Variants in FGF17 observed in about 807,000 individuals in gnomAD.
The protein encoded by FGF17 is fibroblast growth factor 17.
A neutral mutation model predicts 23.5 loss-of-function variants in FGF17; 5 were observed. The ratio of observed to expected loss-of-function variants is 0.21; its 90% CI spans 0.11 to 0.45. FGF17 has a LOEUF of 0.45. Ranked by LOEUF, FGF17 falls within the 20% of genes least tolerant of loss-of-function variation. The pLI, the probability that FGF17 is intolerant of heterozygous loss-of-function variation, is 0.99. For missense variants in FGF17, 221 were observed against 306.9 expected, an observed-to-expected ratio of 0.72 and a Z score of 2.09; for synonymous variants, 136 against 123.0, an observed-to-expected ratio of 1.11 and a Z score of -0.70.
chr8:22,044,887 G>A, intron 2 of FGF17: 1 of 985,474 alleles, frequency 1.0e-6, no homozygotes, highest in Non-Finnish European at 1.2e-6. Context: ...TGCTAATCTG[G>A]GTCTAGCTCT....
chr8:22,046,356 ACCT>A, intron 3 of FGF17, 65 bp downstream of exon 3: 1 of 1,561,806 alleles, frequency 6.4e-7, no homozygotes, highest in Non-Finnish European at 8.7e-7. Context: ...ACCCTGCCTC[ACCT>A]CCTGGTCCAT....
chr8:22,042,967 A>G lies in FGF17; in HGVS notation c.35+4A>G. On this transcript the variant is annotated splice_donor_region_variant and intron_variant, in intron 1 of 4. Coordinates refer to ENST00000359441, the MANE Select transcript of FGF17 (RefSeq NM_003867.4). ...GCCTGCTGCCCAACCTCACTCTGTA[A>G]GTGTGCTACCTCTCCCACTGGAGTT... The G allele has an allele frequency of 6.2e-7, 1 of 1,613,138 alleles. No homozygotes were observed. The highest frequency in any genetic ancestry group is 8.5e-7 in the Non-Finnish European group (1 of 1,179,648).
intron 2 of FGF17, chr8:22,044,676 G>A: frequency 1.0e-6 from 1 of 985,734 alleles, no homozygotes; most frequent in Non-Finnish European, 1.2e-6. Context: ...AATGCTCCAG[G>A]GTGGGGCGAG....
chr8:22,046,758 T>C (rs1432200210), intron 4 of FGF17, 125 bp downstream of exon 4: 1 of 675,134 alleles, frequency 1.5e-6, no homozygotes, highest in East Asian at 2.8e-5. Flanking sequence ...CCCATCCTAC[T>C]CTCAGCCCAC....
chr8:22,043,501 G>A (rs1305874599), intron 2 of FGF17, among the ~76,000 whole-genome samples: 1 of 152,210 alleles, frequency 6.6e-6, no homozygotes, highest in African/African-American at 2.4e-5. Flanking sequence ...TGGAGGTGAT[G>A]GCTCAGGTGA....
At chr8:22,045,938 G>A (rs756265309) in intron 2 of FGF17, 176 bp from the exon 3 acceptor site, 16 of 1,518,204 alleles carry the variant, frequency 1.1e-5, no homozygotes, top group Non-Finnish European at 1.4e-5. Flanking sequence ...AAGCAAAGAG[G>A]TTATGACCGG....
At chr8:22,045,818 A>C in intron 2 of FGF17, 3 of 1,329,998 alleles carry the variant, frequency 2.3e-6, no homozygotes, top group Non-Finnish European at 2.9e-6. Context: ...GACGGGATAG[A>C]ACCCTGAGGG....
At chr8:22,046,459 G>A (rs1455646849) in intron 3 of FGF17, 68 bp from the exon 4 acceptor site, 3 of 1,452,338 alleles carry the variant, frequency 2.1e-6, no homozygotes, top group Non-Finnish European at 2.9e-6. Flanking sequence ...TGGCTGGGTG[G>A]TCCCCTGCTG....
intron 2 of FGF17, chr8:22,045,545 G>A (rs759860333): frequency 2.0e-6 from 2 of 994,296 alleles, no homozygotes; most frequent in Non-Finnish European, 2.4e-6. Flanking sequence ...AAATGCTCAT[G>A]GGACCCTGCA....
chr8:22,042,156 A>C (rs1322112414), upstream of FGF17, among the ~76,000 whole-genome samples: 2 of 152,224 alleles, frequency 1.3e-5, no homozygotes. Context: ...GCTCTTCTCC[A>C]AGTGTCTGTC....
At position 22,043,600 on chromosome 8, in the gene FGF17, A is replaced by G. The variant is rs75166513; in HGVS notation, c.72+419A>G. 1.9e-3 allele frequency among the ~76,000 whole-genome samples: 293 copies of G among 152,212 alleles called. 2 individuals carry two copies. Among genetic ancestry groups the G allele is most frequent in the African/African-American group, 6.8e-3 (282 of 41,542 alleles). ...CGCCACCCCACTCCCATCAATATGG[A>G]TGCCTGGGGTGGGGGTCTCGTGAGC... On this transcript the variant is annotated intron_variant, in intron 2 of 4. Coordinates refer to ENST00000359441, the MANE Select transcript of FGF17 (RefSeq NM_003867.4).
intron 2 of FGF17, chr8:22,045,750 C>A: frequency 8.5e-7 from 1 of 1,181,768 alleles, no homozygotes; most frequent in Non-Finnish European, 1.1e-6. Context: ...GAGGTAGGGA[C>A]AGGGGTTCTG....
chr8:22,040,736 C>T (rs1257925589), upstream of FGF17, among the ~76,000 whole-genome samples: 2 of 152,200 alleles, frequency 1.3e-5, no homozygotes, highest in East Asian at 1.9e-4. Context: ...ACCCACCTTT[C>T]GCCCCCCAGC....
At chr8:22,042,496 C>G (rs1042774465), upstream of FGF17, 6 of 247,720 alleles carry the variant, frequency 2.4e-5, no homozygotes, top group Non-Finnish European at 4.7e-5. Context: ...AGGGCTCCCC[C>G]TCCCTGACCT....
chr8:22,042,889 T>C lies in FGF17; in HGVS notation c.-40T>C. On this transcript the variant is annotated 5_prime_UTR_variant, in exon 1 of 5. Transcript: ENST00000359441. The stretch of plus-strand genomic sequence containing the variant: ...GACTTCCCACATCTGCTCCTGAGCT[T>C]GGGGGCAGGGGGGCAACCGCCTGAG... 2 of 1,611,792 alleles carry C rather than the reference T, an allele frequency of 1.2e-6. No individual in the cohort carries two copies. The highest frequency in any genetic ancestry group is 1.1e-5 in the South Asian group (1 of 90,790).
chr8:22,046,581 C>G lies in FGF17; in HGVS notation c.305C>G (p.Ala102Gly). 6.2e-7 allele frequency: 1 copy of G among 1,613,934 alleles called. No individual in the cohort carries two copies. Among genetic ancestry groups the G allele is most frequent in the Non-Finnish European group, 8.5e-7 (1 of 1,179,960 alleles). ...TFGSRVRIKG[A>G]ESEKYICMNK... ...GGCAGCCGGGTTCGCATCAAAGGGGCTGAGAGTGAGAAGTACATCTGTATG... is the reference window on the plus strand; with the variant it reads ...GGCAGCCGGGTTCGCATCAAAGGGGGTGAGAGTGAGAAGTACATCTGTATG... Residue 102 changes from alanine to glycine, a missense_variant, in exon 4 of 5, where the codon GCT becomes GGT. Physicochemically the swap from Ala to Gly is moderately conservative, Grantham distance 60. Coordinates refer to ENST00000359441, the MANE Select transcript of FGF17 (RefSeq NM_003867.4).
rs1219154111 is a variant in FGF17 at position 22,046,568 on chromosome 8, C to T, written c.292C>T (p.Arg98Cys). Reference protein sequence around the residue: ...VETDTFGSRVRIKGAESEKYI... With the variant: ...VETDTFGSRVCIKGAESEKYI... ...GACGGACACGTTTGGCAGCCGGGTT[C>T]GCATCAAAGGGGCTGAGAGTGAGAA... Residue 98 changes from arginine to cysteine, a missense_variant, in exon 4 of 5, where the codon CGC (arginine) becomes TGC (cysteine). By Grantham distance (180) the Arg-to-Cys change is radical (BLOSUM62 -3). This residue lies in a region of FGF17 where 58 missense variants were observed against 121.0 expected (regional missense o/e 0.48). Coordinates refer to ENST00000359441, the MANE Select transcript of FGF17 (RefSeq NM_003867.4). 1.9e-6 allele frequency: 3 copies of T among 1,613,830 alleles called. No homozygotes were observed. The highest frequency in any genetic ancestry group is 2.5e-6 in the Non-Finnish European group (3 of 1,179,916).
intron 2 of FGF17, chr8:22,045,355 G>A: frequency 1.0e-6 from 1 of 987,656 alleles, no homozygotes; most frequent in South Asian, 4.5e-5. Flanking sequence ...TACTGCCTCT[G>A]CCTCCCTCCG....
At position 22,046,306 on chromosome 8, in the gene FGF17, T is replaced by TC; in HGVS notation, c.250+21dup. ...CAACAAGTTTGGTGAGAGTTGGCCC[T>TC]CCCCCCAGGGCACCCACACCTCCAC... On this transcript the variant is annotated intron_variant, in intron 3 of 4. Coordinates refer to ENST00000359441, the MANE Select transcript of FGF17 (RefSeq NM_003867.4). The TC allele has an allele frequency of 6.2e-7, 1 of 1,608,212 alleles. No individual in the cohort carries two copies.
Sources: gnomAD v4.1 joint callset for allele counts (sites outside exome capture counted in the v4.1 genomes callset) on GRCh38, gnomAD v4.1.1 for gene constraint, gnomAD v4.1.1 regional missense constraint, MANE v1.5 for transcripts, NCBI Gene and HGNC (gene_info 2026-07-23, HGNC 2026-07-21) for gene names.